The following TNFAIP2 variants were observed in gnomAD, a reference collection of about 807,000 sequenced individuals.
TNFAIP2 encodes the protein tumor necrosis factor alpha-induced protein 2.
A neutral mutation model predicts 63.5 loss-of-function variants in TNFAIP2; 47 were observed. The ratio of observed to expected loss-of-function variants is 0.74; its 90% confidence interval spans 0.59 to 0.94. The LOEUF is 0.94. Among genes scored for constraint, TNFAIP2 ranks in the 40% least tolerant of loss-of-function variants. The pLI is 0.00. For synonymous variants in TNFAIP2, 405 were observed against 390.2 expected, an observed-to-expected ratio of 1.04 and a Z score of -0.45; for missense variants, 787 against 850.2, an observed-to-expected ratio of 0.93 and a Z score of 0.92.
chr14:103,135,998 C>T lies in TNFAIP2; in HGVS notation c.*638C>T. On this transcript the variant is annotated 3_prime_UTR_variant, in exon 12 of 12. Transcript: ENST00000560869. The surrounding 1 kb of genome is among the most constrained non-coding windows in gnomAD (Gnocchi z 7.6). ...CCTACAGGCTGGCCCTGCAATGGGG[C>T]CCTGAGCCCTCCCTCTTCATCCCCC... 3.9e-6 allele frequency: 5 copies of T among 1,287,294 alleles called. No individual in the cohort carries two copies. Among genetic ancestry groups the T allele is most frequent in the Non-Finnish European group, 5.1e-6 (5 of 988,046 alleles). 79.7% of individuals were successfully genotyped at this position (1,287,294 alleles called of 1,614,324 possible).
chr14:103,131,768 G>A lies in TNFAIP2; in HGVS notation c.1422+6G>A, dbSNP rs773469133. The A allele has an allele frequency of 1.8e-5, 29 of 1,609,938 alleles. No homozygotes were observed. Among genetic ancestry groups the A allele is most frequent in the East Asian group, 2.2e-5 (1 of 44,822 alleles). ...ACCTGCATGAGGACCTGAAGGTAGC[G>A]GGAGCCTCTTGCCCTCAGGAGCCCA... On this transcript the variant is annotated splice_donor_region_variant and intron_variant, in intron 8 of 11. Transcript: ENST00000560869. This position sits in a 1 kb window ranked among gnomAD's most constrained non-coding sequence, Gnocchi z 4.0.
chr14:103,123,130 G>A (rs574304312), upstream of TNFAIP2: 35 of 248,688 alleles, frequency 1.4e-4, 1 homozygote, highest in South Asian at 1.1e-3. Context: ...CCCCATCCAG[G>A]CGGCCTATCA....
rs569888923 is a variant in TNFAIP2, at chr14:103,136,022, C to T, written c.*662C>T. ...GCCCTGAGCCCTCCCTCTTCATCCC[C>T]CAAGGCCTCAACTAGAGGGTGGTCC... is the stretch of plus-strand genomic sequence containing the variant. On this transcript the variant is annotated 3_prime_UTR_variant, in exon 12 of 12. Coordinates refer to ENST00000560869, the MANE Select transcript of TNFAIP2 (RefSeq NM_006291.4). 3.3e-5 allele frequency: 42 copies of T among 1,282,058 alleles called. No individual in the cohort carries two copies. Among genetic ancestry groups the T allele is most frequent in the Middle Eastern group, 5.2e-4 (2 of 3,848 alleles). 79.4% of individuals were successfully genotyped at this position (1,282,058 alleles called of 1,614,324 possible).
intron 3 of TNFAIP2, 54 bp from the exon 4 acceptor site, chr14:103,129,686 G>T (rs915679835): frequency 6.5e-7 from 1 of 1,533,228 alleles, no homozygotes; most frequent in Non-Finnish European, 9.0e-7. Flanking sequence ...TCTAGCTTGA[G>T]TGGTGGTGCT....
upstream of TNFAIP2, chr14:103,123,018 G>A (rs1413681607): frequency 1.2e-5 from 4 of 346,254 alleles, no homozygotes; most frequent in Admixed American, 3.8e-5. Context: ...TTGTGGCCAC[G>A]GTGACACCGG....
At position 103,126,684 on chromosome 14, in the gene TNFAIP2, C is replaced by T. The variant is rs868473487; in HGVS notation, c.227C>T (p.Pro76Leu). ...AGSRQGLDGP[P>L]PTVEELKAAL... Reference sequence around the variant, plus strand: ...TCCAGGCAGGGGCTGGATGGCCCGCCCCCCACAGGTGCTCTAGGACCCTGG... The same window carrying T: ...TCCAGGCAGGGGCTGGATGGCCCGCTCCCCACAGGTGCTCTAGGACCCTGG... The change falls in exon 2 of 12, where the codon CCC becomes CTC. Residue 76 changes from proline (P) to leucine (L), a missense_variant. Transcript: ENST00000560869. The T allele has an allele frequency of 1.3e-6, 2 of 1,558,098 alleles. No individual in the cohort carries two copies. Among genetic ancestry groups the T allele is most frequent in the African/African-American group, 1.4e-5 (1 of 74,024 alleles).
intron 11 of TNFAIP2, among the ~76,000 whole-genome samples, chr14:103,134,266 A>G (rs762881170): frequency 5.4e-4 from 83 of 152,330 alleles, no homozygotes; most frequent in Non-Finnish European, 8.1e-4. Flanking sequence ...GTCCTCTGAC[A>G]TGTTAGGGTA....
chr14:103,134,989 C>G (rs1011735438), intron 11 of TNFAIP2, among the ~76,000 whole-genome samples: 1 of 152,192 alleles, frequency 6.6e-6, no homozygotes, highest in Non-Finnish European at 1.5e-5. Flanking sequence ...ATCTCAGGGC[C>G]TGGGAAGAAC....
intron 11 of TNFAIP2, among the ~76,000 whole-genome samples, chr14:103,134,783 G>A (rs1178009889): frequency 2.0e-5 from 3 of 152,154 alleles, no homozygotes; most frequent in Admixed American, 6.5e-5. Flanking sequence ...CCAGGTCTCA[G>A]TCCTCCCTTA....
At position 103,126,753 on chromosome 14, in the gene TNFAIP2, C is replaced by T. The variant is rs558033962; in HGVS notation, c.235+61C>T. On this transcript the variant is annotated intron_variant, in intron 2 of 11. Transcript: ENST00000560869. ...CCTGGACGGGGTTGGCGCTCATCCG[C>T]GTGAGTGAGCCACTTGCACAGTGGG... The T allele has an allele frequency of 1.2e-5, 18 of 1,486,352 alleles. No homozygotes were observed. In the South Asian group the frequency reaches 1.9e-4, roughly 16 times the overall value. 92.1% of individuals were successfully genotyped at this position (1,486,352 alleles called of 1,614,324 possible).
At chr14:103,132,315 G>T (rs866421428) in intron 8 of TNFAIP2, among the ~76,000 whole-genome samples, 1 of 152,182 alleles carries the variant, frequency 6.6e-6, no homozygotes, top group South Asian at 2.1e-4. Flanking sequence ...CTCTCAAAAG[G>T]AAGGGGAGAG....
At position 103,136,228 on chromosome 14, in the gene TNFAIP2, C is replaced by G. The variant is rs1160734347; in HGVS notation, c.*868C>G. On this transcript the variant is annotated 3_prime_UTR_variant, in exon 12 of 12. Coordinates refer to ENST00000560869, the MANE Select transcript of TNFAIP2 (RefSeq NM_006291.4). ...GACCTCTCACTGTTGACCCTTTGGC[C>G]TCTGTATTTGTTTCCTATTGCCGTG... 1 of 286,086 alleles carries G rather than the reference C, an allele frequency of 3.5e-6. No individual in the cohort carries two copies. Among genetic ancestry groups the G allele is most frequent in the East Asian group, 1.0e-4 (1 of 9,704 alleles). 17.7% of individuals were successfully genotyped at this position (286,086 alleles called of 1,614,324 possible).
In TNFAIP2 at chr14:103,127,314, G is replaced by T; in HGVS notation, c.545G>T (p.Arg182Leu). 3.0e-6 allele frequency: 3 copies of T among 995,902 alleles called. No individual in the cohort carries two copies. Among genetic ancestry groups the T allele is most frequent in the Non-Finnish European group, 3.6e-6 (3 of 838,234 alleles). 61.7% of individuals were successfully genotyped at this position (995,902 alleles called of 1,614,324 possible). A position where few individuals can be genotyped will look rare whatever the true frequency, so the allele number is the denominator to read the frequency against. ...GGGACCTCGGGGCTGGCGGCCACGC[G>T]CCCGCGGCGCTGGCTGCAGCTGTGG... ...GPGTSGLAAT[R>L]PRRWLQLWRR... is the part of the protein sequence containing the mutation. The change falls in exon 3 of 12, where the codon CGC becomes CTC. Residue 182 changes from arginine to leucine, a missense_variant. By Grantham distance (102) the Arg-to-Leu change is moderately radical (BLOSUM62 -2). This residue lies in a region of TNFAIP2 where 258 missense variants were observed against 228.9 expected (regional missense o/e 1.13). Coordinates refer to ENST00000560869, the MANE Select transcript of TNFAIP2 (RefSeq NM_006291.4). The surrounding 1 kb of genome is among the most constrained non-coding windows in gnomAD (Gnocchi z 5.1).
chr14:103,133,998 G>T (rs1289939151), intron 11 of TNFAIP2, among the ~76,000 whole-genome samples, 195 bp downstream of exon 11: 1 of 152,262 alleles, frequency 6.6e-6, no homozygotes, highest in Non-Finnish European at 1.5e-5. Flanking sequence ...CACAGAGGAG[G>T]CCTGGAGAGC....
chr14:103,121,729 G>C (rs530049151), upstream of TNFAIP2, among the ~76,000 whole-genome samples: 539 of 152,328 alleles, frequency 3.5e-3, 2 homozygotes, highest in African/African-American at 0.012. Flanking sequence ...CCGTCAGTGG[G>C]GGACAAGGGT....
chr14:103,124,144 G>C (rs1427706055), intron 1 of TNFAIP2, among the ~76,000 whole-genome samples, 193 bp downstream of exon 1: 1 of 152,200 alleles, frequency 6.6e-6, no homozygotes, highest in African/African-American at 2.4e-5. Context: ...CTGCCTGCAG[G>C]ACAGACTCAG....
At chr14:103,121,599 C>G (rs1453208690), upstream of TNFAIP2, among the ~76,000 whole-genome samples, 1 of 152,234 alleles carries the variant, frequency 6.6e-6, no homozygotes, top group South Asian at 2.1e-4. Flanking sequence ...GAGGACTTCA[C>G]GTATGTTACC....
At chr14:103,133,611 T>C in intron 10 of TNFAIP2, 71 bp from the exon 11 acceptor site, 2 of 1,560,716 alleles carry the variant, frequency 1.3e-6, no homozygotes, top group Non-Finnish European at 1.7e-6. Flanking sequence ...CTGGTGCCTC[T>C]CTAAGCCCAA....
rs1239660004 is a variant in TNFAIP2, at chr14:103,135,986, C to T, written c.*626C>T. 1 of 1,289,032 alleles carries T rather than the reference C, an allele frequency of 7.8e-7. No homozygotes were observed. The highest frequency in any genetic ancestry group is 2.3e-5 in the Admixed American group (1 of 43,512). The allele number at this position is 1,289,032 out of a possible 1,614,324, so 79.8% of individuals were successfully genotyped here. The stretch of plus-strand genomic sequence containing the variant: ...GGCCCCACGGCCCCTACAGGCTGGC[C>T]CTGCAATGGGGCCCTGAGCCCTCCC... On this transcript the variant is annotated 3_prime_UTR_variant, in exon 12 of 12. Coordinates refer to ENST00000560869, the MANE Select transcript of TNFAIP2 (RefSeq NM_006291.4). This position sits in a 1 kb window ranked among gnomAD's most constrained non-coding sequence, Gnocchi z 7.6.
Sources: gnomAD v4.1 joint callset for allele counts (sites outside exome capture counted in the v4.1 genomes callset) on GRCh38, gnomAD v4.1.1 for gene constraint, gnomAD v4.1.1 regional missense constraint, Gnocchi (gnomAD v3.1) non-coding constraint, MANE v1.5 for transcripts, NCBI Gene and HGNC (gene_info 2026-07-23, HGNC 2026-07-21) for gene names.